PML: variants seen among roughly 807,000 people sequenced by gnomAD.
PML encodes protein PML.
A neutral mutation model predicts 65.2 loss-of-function variants in PML; 28 were observed. That is an observed-to-expected ratio of 0.43 (90% confidence interval 0.32 to 0.59). The LOEUF (loss-of-function observed/expected upper bound fraction) is 0.59, where lower values mean the gene tolerates loss of function less well. Ranked by LOEUF, PML falls within the 20% of genes least tolerant of loss-of-function variation. PML has a pLI of 0.08. For missense variants in PML, 1,021 were observed against 1,203.4 expected (o/e 0.85, Z 2.24); for synonymous variants, 500 against 508.8 (o/e 0.98, Z 0.23).
At chr15:74,040,546 C>T (rs2071672598) in intron 7 of PML, among the ~76,000 whole-genome samples, 1 of 152,162 alleles carries the variant, frequency 6.6e-6, no homozygotes, top group South Asian at 2.1e-4. Context: ...TGCACCAGGC[C>T]ACTATGTCTG....
Position 74,033,151 on chromosome 15 carries a change from TG to T in PML, c.1399-4del. On this transcript the variant is annotated splice_polypyrimidine_tract_variant and splice_region_variant and intron_variant, in intron 5 of 8. Coordinates refer to ENST00000268058, the MANE Select transcript of PML (RefSeq NM_033238.3). The stretch of plus-strand genomic sequence containing the variant: ...TGACCTGGCTCTGTGACTCCCTCTA[TG>T]CAGGATGTCTCCAATACAACGACAG... 2.5e-6 allele frequency: 4 copies of T among 1,613,992 alleles called. No individual in the cohort carries two copies.
intron 2 of PML, among the ~76,000 whole-genome samples, chr15:74,003,711 C>T (rs545971304): frequency 1.2e-3 from 184 of 152,180 alleles, no homozygotes; most frequent in Non-Finnish European, 2.4e-3. Context: ...GGTCATATTA[C>T]AACGCACTTG....
Position 74,036,235 on chromosome 15 carries a change from A to G in PML, c.1710+1705A>G, listed in dbSNP as rs9479. 765,387 of 1,526,804 alleles carry G rather than the reference A, an allele frequency of 0.5. 192,950 individuals are homozygous for G. Among genetic ancestry groups the G allele is most frequent in the East Asian group, 0.65 (26,895 of 41,390 alleles). 94.6% of individuals were successfully genotyped at this position (1,526,804 alleles called of 1,614,324 possible). ...TTCTGTCACCCTTGCACTCTCCTGTATTCTGAGTCCCTGGCCAATAGCACA... is the reference window on the plus strand; with the variant it reads ...TTCTGTCACCCTTGCACTCTCCTGTGTTCTGAGTCCCTGGCCAATAGCACA... On this transcript the variant is annotated intron_variant, in intron 7 of 8. Coordinates refer to ENST00000268058, the MANE Select transcript of PML (RefSeq NM_033238.3).
At chr15:74,029,630 A>G (rs376460987) in intron 4 of PML, among the ~76,000 whole-genome samples, 4 of 152,360 alleles carry the variant, frequency 2.6e-5, no homozygotes, top group East Asian at 3.9e-4. Context: ...GCCTCAAAAA[A>G]AAAGAAAGAA....
chr15:74,025,675 G>A (rs1377905772), intron 4 of PML: 1 of 152,530 alleles, frequency 6.6e-6, no homozygotes, highest in Non-Finnish European at 1.5e-5. Context: ...TCCCAACTCT[G>A]GACTGCTCTG....
At chr15:74,030,158 C>T (rs2071255218) in intron 4 of PML, among the ~76,000 whole-genome samples, 1 of 152,180 alleles carries the variant, frequency 6.6e-6, no homozygotes, top group Non-Finnish European at 1.5e-5. Flanking sequence ...GGGTGGTTCT[C>T]AGAAGGCCCA....
Position 73,998,417 on chromosome 15 carries a change from C to T in PML, c.543C>T (p.Thr181=), listed in dbSNP as rs2141709369. 6.2e-7 allele frequency: 1 copy of T among 1,613,990 alleles called. No individual in the cohort carries two copies. The highest frequency in any genetic ancestry group is 2.2e-5 in the East Asian group (1 of 44,876). ...CGGTGCGTGAGTTCCTGGACGGCAC[C>T]CGCAAGACCAACAACATCTTCTGCT... ...NQSVREFLDG[T]RKTNNIFCSN... Residue 181 remains threonine, a synonymous_variant, in exon 2 of 9, where the codon ACC becomes ACT. Coordinates refer to ENST00000268058, the MANE Select transcript of PML (RefSeq NM_033238.3).
In PML at chr15:74,044,456, A is replaced by G; in HGVS notation, c.2097A>G (p.Glu699=). 6.2e-7 allele frequency: 1 copy of G among 1,614,144 alleles called. No individual in the cohort carries two copies. Among genetic ancestry groups the G allele is most frequent in the Non-Finnish European group, 8.5e-7 (1 of 1,179,994 alleles). ...TGGAGGACATTAACAGGCTGTGGGA[A>G]TTCCAGGAGGCCATCTCGGGCTTCC... ...RALEDINRLW[E]FQEAISGFLA... The change falls in exon 9 of 9, where the codon GAA becomes GAG. Residue 699 remains glutamate (E), a synonymous_variant. Transcript: ENST00000268058.
At chr15:74,029,117 C>T (rs1341739743) in intron 4 of PML, among the ~76,000 whole-genome samples, 1 of 152,000 alleles carries the variant, frequency 6.6e-6, no homozygotes, top group African/African-American at 2.4e-5. Flanking sequence ...TTGACATTTC[C>T]ACCAGCACCG....
At position 74,042,951 on chromosome 15, in the gene PML, C is replaced by T. The variant is rs764707974; in HGVS notation, c.1711-38C>T. ...GTTCTGCACAGGTGCTTGCCTTGGC[C>T]CTCTGAATCCCTGACGCTTGGTTTT... On this transcript the variant is annotated intron_variant, in intron 7 of 8. Transcript: ENST00000268058. The surrounding 1 kb of genome is among the most constrained non-coding windows in gnomAD (Gnocchi z 5.3). 1.9e-6 allele frequency: 3 copies of T among 1,612,636 alleles called. No individual in the cohort carries two copies. The highest frequency in any genetic ancestry group is 1.1e-5 in the South Asian group (1 of 91,010).
chr15:74,005,277 T>C (rs1384417617), intron 2 of PML, among the ~76,000 whole-genome samples: 1 of 150,292 alleles, frequency 6.7e-6, no homozygotes, highest in Non-Finnish European at 1.5e-5. Context: ...GGTCTCGAAC[T>C]CCTGACCTCG....
rs1265285547 is a variant in PML at position 74,036,692 on chromosome 15, G to A, written c.1710+2162G>A. Among the ~76,000 whole-genome samples, 5 of 152,210 alleles carry A rather than the reference G, an allele frequency of 3.3e-5. No homozygotes were observed. The South Asian group carries it at 6.2e-4, about 19-fold the overall frequency. ...CTGCCCACCCTCATTGAGGGCAGAC[G>A]TGAGCATTCACCTCCCAGATTTCTT... On this transcript the variant is annotated intron_variant, in intron 7 of 8. Coordinates refer to ENST00000268058, the MANE Select transcript of PML (RefSeq NM_033238.3).
In PML at chr15:74,023,180, C is replaced by G. The variant is rs775778127; in HGVS notation, c.955C>G (p.Leu319Val). 7 of 1,606,930 alleles carry G rather than the reference C, an allele frequency of 4.4e-6. No individual in the cohort carries two copies. In the South Asian group the frequency reaches 6.6e-5, roughly 15 times the overall value. Residue 319 changes from leucine to valine, a missense_variant, in exon 3 of 9, where the codon CTG (leucine) becomes GTG (valine). Physicochemically the swap from Leu to Val is conservative, Grantham distance 32. Transcript: ENST00000268058. ...YEEMASRLGR[L>V]DAVLQRIRTG... ...GGAGATGGCCAGTCGGCTGGGCCGC[C>G]TGGATGCTGTGCTGCAGCGCATCCG...
At chr15:74,032,825 G>A in intron 5 of PML, 110 bp downstream of exon 5, 1 of 1,207,152 alleles carries the variant, frequency 8.3e-7, no homozygotes, top group Non-Finnish European at 1.2e-6. Flanking sequence ...AGCTCTTTGT[G>A]GGAAAGTGTT....
rs1325628964 is a variant in PML at position 74,033,252 on chromosome 15, G to A, written c.1495G>A (p.Ala499Thr). The change falls in exon 6 of 9, where the codon GCA (alanine) becomes ACA (threonine). Residue 499 changes from alanine (A) to threonine (T), a missense_variant. By Grantham distance (58) the Ala-to-Thr change is moderately conservative (BLOSUM62 0). Transcript: ENST00000268058. The stretch of plus-strand genomic sequence containing the variant: ...GATGGAGTCTGAGGAGGGGAAGGAG[G>A]CAAGGTTGGCTCGGAGCTCCCCGGA... ...IKMESEEGKE[A>T]RLARSSPEQP... 1.9e-6 allele frequency: 3 copies of A among 1,614,210 alleles called. No individual in the cohort carries two copies. Among genetic ancestry groups the A allele is most frequent in the South Asian group, 2.2e-5 (2 of 91,084 alleles).
chr15:74,024,911 C>T lies in PML; in HGVS notation c.1238C>T (p.Pro413Leu). 6.2e-7 allele frequency: 1 copy of T among 1,613,300 alleles called. No homozygotes were observed. The highest frequency in any genetic ancestry group is 8.5e-7 in the Non-Finnish European group (1 of 1,179,288). ...SPEAASTPRD[P>L]IDVDLPEEAE... ...GAGGCTGCCAGCACTCCCAGGGACC[C>T]TATTGACGTTGACCTGGTGAGATGG... is the stretch of plus-strand genomic sequence containing the variant. Residue 413 changes from proline to leucine, a missense_variant, in exon 4 of 9, where the codon CCT (proline) becomes CTT (leucine). Coordinates refer to ENST00000268058, the MANE Select transcript of PML (RefSeq NM_033238.3).
At chr15:74,009,972 A>C (rs2070243509) in intron 2 of PML, among the ~76,000 whole-genome samples, 1 of 151,882 alleles carries the variant, frequency 6.6e-6, no homozygotes, top group Non-Finnish European at 1.5e-5. Context: ...GGGCTTTGCT[A>C]TTCAGGGATG....
rs965236596 is a variant in PML, at chr15:74,023,020, C to T, written c.795C>T (p.Val265=). ...GAVHAQMHAA[V]GQLGRARAET... ...TTCACGCGCAGATGCACGCGGCCGTCGGCCAGCTGGGCCGCGCGCGTGCCG... is the reference window on the plus strand; with the variant it reads ...TTCACGCGCAGATGCACGCGGCCGTTGGCCAGCTGGGCCGCGCGCGTGCCG... The change falls in exon 3 of 9, where the codon GTC becomes GTT. Residue 265 remains valine (V), a synonymous_variant. Transcript: ENST00000268058. The T allele has an allele frequency of 1.2e-6, 2 of 1,607,308 alleles. No individual in the cohort carries two copies. The highest frequency in any genetic ancestry group is 1.7e-6 in the Non-Finnish European group (2 of 1,178,604).
At position 74,046,319 on chromosome 15, in the gene PML, C is replaced by A; in HGVS notation, c.*1311C>A. 1 of 233,340 alleles carries A rather than the reference C, an allele frequency of 4.3e-6. No homozygotes were observed. Among genetic ancestry groups the A allele is most frequent in the Non-Finnish European group, 8.5e-6 (1 of 118,062 alleles). 14.5% of individuals were successfully genotyped at this position (233,340 alleles called of 1,614,324 possible). On this transcript the variant is annotated 3_prime_UTR_variant, in exon 9 of 9. Coordinates refer to ENST00000268058, the MANE Select transcript of PML (RefSeq NM_033238.3). ...GGGTTGTCCGCTCTGATTAGCAGAA[C>A]GACAGCCCCTTCCTCCTCCTCCCTC... is the stretch of plus-strand genomic sequence containing the variant.
Sources: allele counts gnomAD v4.1 joint callset (sites outside exome capture counted in the v4.1 genomes callset), GRCh38; gene constraint gnomAD v4.1.1; non-coding constraint Gnocchi (gnomAD v3.1); transcripts MANE v1.5; gene names NCBI Gene and HGNC (gene_info 2026-07-23, HGNC 2026-07-21).